Variants in SNX6 observed in about 807,000 individuals in gnomAD.
SNX6 encodes sorting nexin-6.
In SNX6, 34 loss-of-function variants were observed where a neutral mutation model predicts 63.0. The ratio of observed to expected loss-of-function variants is 0.54; its 90% confidence interval spans 0.41 to 0.72. The LOEUF (loss-of-function observed/expected upper bound fraction) is 0.72. SNX6 is among the 30% of genes least tolerant of loss of function. The pLI, the probability that SNX6 is intolerant of heterozygous loss-of-function variation, is 0.00. For missense variants in SNX6, 398 were observed against 471.4 expected (o/e 0.84, Z 1.44); for synonymous variants, 170 against 164.2 (o/e 1.04, Z -0.27).
chr14:34,569,577 C>A (rs1433696596), intron 11 of SNX6, among the ~76,000 whole-genome samples: 1 of 152,100 alleles, frequency 6.6e-6, no homozygotes, highest in Non-Finnish European at 1.5e-5. Context: ...CAGGCGTGTG[C>A]CACCAAGCCT....
At chr14:34,607,109 T>C (rs974719521) in intron 4 of SNX6, among the ~76,000 whole-genome samples, 3 of 152,064 alleles carry the variant, frequency 2.0e-5, no homozygotes, top group African/African-American at 7.2e-5. Flanking sequence ...GTATGGTTTG[T>C]CACATCTCCT....
At chr14:34,593,404 CTT>C (rs556910452) in intron 7 of SNX6, among the ~76,000 whole-genome samples, 11 of 143,486 alleles carry the variant, frequency 7.7e-5, no homozygotes, top group Non-Finnish European at 9.2e-5. Flanking sequence ...GTGCTGTACT[CTT>C]TTTTTTTTTT....
At chr14:34,592,989 G>A in intron 8 of SNX6, 56 bp downstream of exon 8, 3 of 1,221,064 alleles carry the variant, frequency 2.5e-6, no homozygotes, top group Non-Finnish European at 3.5e-6. Context: ...ACTATAATAT[G>A]AACTTTATAA....
intron 6 of SNX6, among the ~76,000 whole-genome samples, chr14:34,601,116 C>A (rs537354428): frequency 1.3e-5 from 2 of 152,186 alleles, no homozygotes; most frequent in South Asian, 2.1e-4. Context: ...TTACCCGAAT[C>A]TGGAATTCTT....
At chr14:34,617,079 C>T (rs1331194288) in intron 2 of SNX6, among the ~76,000 whole-genome samples, 6 of 151,890 alleles carry the variant, frequency 4.0e-5, no homozygotes, top group African/African-American at 7.3e-5. Flanking sequence ...AAGACTGTCT[C>T]GGGTTAAAAA....
At chr14:34,567,472 C>G (rs906131481) in intron 13 of SNX6, among the ~76,000 whole-genome samples, 4 of 151,966 alleles carry the variant, frequency 2.6e-5, no homozygotes, top group Non-Finnish European at 5.9e-5. Flanking sequence ...TGGGCAATAG[C>G]GCCAGACTCT....
Position 34,613,407 on chromosome 14 carries a change from T to G in SNX6, c.55-3665A>C, listed in dbSNP as rs553577204. ...ATTTATCATACAGGTTTTGGAATAA[T>G]GACTAGCATTTCTCCACTTCTGAGG... On this transcript the variant is annotated intron_variant, in intron 2 of 13. Transcript: ENST00000362031. 7.9e-5 allele frequency among the ~76,000 whole-genome samples: 12 copies of G among 152,360 alleles called. No individual in the cohort carries two copies. In the South Asian group the frequency reaches 2.5e-3, roughly 32 times the overall value.
chr14:34,589,660 T>A (rs1882313913), intron 8 of SNX6, among the ~76,000 whole-genome samples: 1 of 150,138 alleles, frequency 6.7e-6, no homozygotes, highest in South Asian at 2.1e-4. Context: ...ACCCCATCTC[T>A]AAAAAAAAAT....
chr14:34,622,159 G>A (rs1412496498), intron 2 of SNX6, among the ~76,000 whole-genome samples: 13 of 149,978 alleles, frequency 8.7e-5, no homozygotes, highest in Admixed American at 8.0e-4. Flanking sequence ...TTGGGGTTTC[G>A]TCACGTTGGC....
chr14:34,569,280 A>G (rs1365232058), intron 11 of SNX6, among the ~76,000 whole-genome samples: 1 of 152,192 alleles, frequency 6.6e-6, no homozygotes. Context: ...GAGGATCACC[A>G]TAATCGATTT....
chr14:34,605,227 A>G (rs1391949917), intron 5 of SNX6, among the ~76,000 whole-genome samples: 1 of 144,824 alleles, frequency 6.9e-6, no homozygotes, highest in East Asian at 2.0e-4. Flanking sequence ...TTGTAAATAG[A>G]AAAAAAAAAA....
chr14:34,614,198 G>A (rs959245212), intron 2 of SNX6, among the ~76,000 whole-genome samples: 15 of 151,996 alleles, frequency 9.9e-5, no homozygotes, highest in Middle Eastern at 6.8e-3. Context: ...AGGCTGAGGC[G>A]ATTGGAACAC....
intron 7 of SNX6, among the ~76,000 whole-genome samples, chr14:34,594,985 G>A (rs1013521721): frequency 2.7e-4 from 41 of 152,096 alleles, no homozygotes; most frequent in Admixed American, 1.4e-3. Flanking sequence ...CCAGCTACTT[G>A]GGAGGTTGAA....
At chr14:34,615,849 C>G (rs767697324) in intron 2 of SNX6, among the ~76,000 whole-genome samples, 1 of 152,312 alleles carries the variant, frequency 6.6e-6, no homozygotes, top group African/African-American at 2.4e-5. Flanking sequence ...AAAATAAAAT[C>G]ACCCCCCACC....
At chr14:34,565,948 C>G (rs1456639992) in intron 13 of SNX6, among the ~76,000 whole-genome samples, 2 of 150,414 alleles carry the variant, frequency 1.3e-5, no homozygotes, top group African/African-American at 4.9e-5. Flanking sequence ...CTCGGCCTCC[C>G]AAAGTGCTGG....
chr14:34,563,085 G>A lies in SNX6; in HGVS notation c.*37C>T. Reference sequence around the variant, plus strand: ...AAGAAAACAAAAATAAAATTTGAAGGAAGGCAGCCCTTTTTAACAGGAAGG... The same window carrying A: ...AAGAAAACAAAAATAAAATTTGAAGAAAGGCAGCCCTTTTTAACAGGAAGG... On this transcript the variant is annotated 3_prime_UTR_variant, in exon 14 of 14. Transcript: ENST00000362031. 6.3e-7 allele frequency: 1 copy of A among 1,597,730 alleles called. No individual in the cohort carries two copies. Among genetic ancestry groups the A allele is most frequent in the Non-Finnish European group, 8.6e-7 (1 of 1,168,172 alleles).
intron 7 of SNX6, among the ~76,000 whole-genome samples, chr14:34,593,503 G>A (rs1244216833): frequency 1.3e-5 from 2 of 150,852 alleles, no homozygotes; most frequent in South Asian, 2.1e-4. Flanking sequence ...GGGTTCAAGC[G>A]ATTCTCCTGC....
At chr14:34,592,721 G>T (rs929195176) in intron 8 of SNX6, among the ~76,000 whole-genome samples, 1 of 151,598 alleles carries the variant, frequency 6.6e-6, no homozygotes, top group African/African-American at 2.4e-5. Context: ...GCGGCACCAC[G>T]TCTGGCTAAT....
At chr14:34,569,247 G>T in intron 11 of SNX6, 1 of 534,624 alleles carries the variant, frequency 1.9e-6, no homozygotes, top group South Asian at 2.1e-5. Context: ...TAATTCAATG[G>T]TTTTTAGCAA....
Sources: allele counts gnomAD v4.1 joint callset (sites outside exome capture counted in the v4.1 genomes callset), GRCh38; gene constraint gnomAD v4.1.1; transcripts MANE v1.5; gene names NCBI Gene and HGNC (gene_info 2026-07-23, HGNC 2026-07-21).